The following NBPF3 variants were observed in gnomAD, a reference collection of about 807,000 sequenced individuals.
The protein encoded by NBPF3 is NBPF family member NBPF3.
Under a neutral mutation model 78.1 loss-of-function variants are expected in NBPF3, and 57 were observed. That is an observed-to-expected ratio of 0.73 (90% CI 0.59 to 0.91). NBPF3 has a LOEUF of 0.91. NBPF3 is among the 40% of genes least tolerant of loss of function. NBPF3 has a pLI of 0.00. For missense variants in NBPF3, 510 were observed against 715.3 expected (o/e 0.71, Z 3.27); for synonymous variants, 182 against 271.7 (o/e 0.67, Z 3.25).
At chr1:21,464,228 A>G (rs10916995) in intron 2 of NBPF3, among the ~76,000 whole-genome samples, 7,147 of 152,340 alleles carry the variant, frequency 0.047, 424 homozygotes, top group African/African-American at 0.14. Flanking sequence ...TTTAACCACC[A>G]TCAGTTGATG....
At position 21,470,749 on chromosome 1, in the gene NBPF3, T is replaced by C. The variant is rs781082242; in HGVS notation, c.446+15T>C. 1 of 1,573,900 alleles carries C rather than the reference T, an allele frequency of 6.4e-7. No homozygotes were observed. Among genetic ancestry groups the C allele is most frequent in the Non-Finnish European group, 8.7e-7 (1 of 1,149,556 alleles). ...GAGGAGCTCAGGTGAGTGGGCCCCC[T>C]GGGGTCAGGCAGGTGGGCAGGTGTG... On this transcript the variant is annotated intron_variant, in intron 4 of 14. Transcript: ENST00000318249.
intron 14 of NBPF3, 94 bp from the exon 15 acceptor site, chr1:21,483,049 T>G: frequency 1.4e-6 from 2 of 1,442,456 alleles, no homozygotes; most frequent in South Asian, 1.3e-5. Flanking sequence ...TTTCCTTTTT[T>G]GACCACTTCC....
chr1:21,469,445 G>C (rs1488851172), intron 3 of NBPF3, among the ~76,000 whole-genome samples: 1 of 152,130 alleles, frequency 6.6e-6, no homozygotes, highest in African/African-American at 2.4e-5. Flanking sequence ...AGGGAGTAGG[G>C]GCCGTGCACG....
intron 2 of NBPF3, among the ~76,000 whole-genome samples, chr1:21,465,454 C>A (rs1324701708): frequency 6.6e-6 from 1 of 152,236 alleles, no homozygotes; most frequent in Non-Finnish European, 1.5e-5. Context: ...GGGGGTGGGA[C>A]CCATTGAGCT....
At position 21,456,013 on chromosome 1, in the gene NBPF3, G is replaced by A. The variant is rs1317030326; in HGVS notation, c.133+10794G>A. 2.6e-5 allele frequency among the ~76,000 whole-genome samples: 4 copies of A among 152,132 alleles called. No homozygotes were observed. The East Asian group carries it at 5.8e-4, about 22-fold the overall frequency. On this transcript the variant is annotated intron_variant, in intron 2 of 14. Coordinates refer to ENST00000318249, the MANE Select transcript of NBPF3 (RefSeq NM_032264.6). ...AATAAGTGTCACACTTTTCAATAAG[G>A]CCTATTGTTCACCAACCTGGTAAAG...
upstream of NBPF3, chr1:21,440,081 G>T (rs896518572): frequency 1.3e-5 from 2 of 152,196 alleles, no homozygotes; most frequent in Non-Finnish European, 2.9e-5. Flanking sequence ...CTCCTGACGC[G>T]GCCCATCCGG....
chr1:21,440,096 T>A (rs1026845303), upstream of NBPF3: 7 of 150,762 alleles, frequency 4.6e-5, no homozygotes, highest in Non-Finnish European at 1.0e-4. Context: ...ATCCGGACCC[T>A]GAGGAGCCAG....
In NBPF3 at chr1:21,476,340, G is replaced by A. The variant is rs1642887226; in HGVS notation, c.992+1389G>A. On this transcript the variant is annotated intron_variant, in intron 8 of 14. Coordinates refer to ENST00000318249, the MANE Select transcript of NBPF3 (RefSeq NM_032264.6). This position sits in a 1 kb window ranked among gnomAD's most constrained non-coding sequence, Gnocchi z 4.1. ...ATGATGTGAGCTGGTTATTTTGCCTGTTAGTTGATGCACTTTCTTCCTAGC... is the reference window on the plus strand; with the variant it reads ...ATGATGTGAGCTGGTTATTTTGCCTATTAGTTGATGCACTTTCTTCCTAGC... Among the ~76,000 whole-genome samples the A allele has an allele frequency of 6.6e-6, 1 of 152,162 alleles. No homozygotes were observed. The highest frequency in any genetic ancestry group is 1.5e-5 in the Non-Finnish European group (1 of 68,026).
upstream of NBPF3, among the ~76,000 whole-genome samples, chr1:21,438,578 C>T (rs1177845706): frequency 1.3e-5 from 2 of 152,214 alleles, no homozygotes; most frequent in Non-Finnish European, 2.9e-5. Flanking sequence ...GCTAAGTGCT[C>T]ACTGAATGTT....
intron 2 of NBPF3, among the ~76,000 whole-genome samples, chr1:21,450,595 C>T (rs1232781767): frequency 2.6e-5 from 4 of 152,318 alleles, no homozygotes; most frequent in East Asian, 1.9e-4. Flanking sequence ...CAGTAGGACA[C>T]TCACATTCCC....
At chr1:21,465,408 C>T (rs1192647561) in intron 2 of NBPF3, among the ~76,000 whole-genome samples, 3 of 152,262 alleles carry the variant, frequency 2.0e-5, no homozygotes, top group African/African-American at 4.8e-5. Flanking sequence ...TGTATTTGCA[C>T]TGACTTTCCC....
rs962432752 is a variant in NBPF3, at chr1:21,446,572, TTCCC to T, written c.133+1367_133+1370del. On this transcript the variant is annotated intron_variant, in intron 2 of 14. Coordinates refer to ENST00000318249, the MANE Select transcript of NBPF3 (RefSeq NM_032264.6). Reference sequence around the variant, plus strand: ...CCACCCTCCCTCCCTTTCTTCCTCCTTCCCTCCCTCCCTCCCTTCTTTCCTTTCT... The same window carrying T: ...CCACCCTCCCTCCCTTTCTTCCTCCTTCCCTCCCTCCCTTCTTTCCTTTCT... The T allele has an allele frequency of 7.0e-3, 860 of 123,098 alleles. 9 individuals carry two copies. The highest frequency in any genetic ancestry group is 0.023 in the African/African-American group (768 of 33,306). The allele number at this position is 123,098 out of a possible 1,614,324, so 7.6% of individuals were successfully genotyped here.
intron 1 of NBPF3, among the ~76,000 whole-genome samples, chr1:21,444,566 A>C (rs1640850463): frequency 1.3e-5 from 2 of 151,560 alleles, no homozygotes; most frequent in African/African-American, 2.4e-5. Flanking sequence ...TCAGGACTCT[A>C]TTTTTTTTCC....
At chr1:21,483,087 G>C in intron 14 of NBPF3, 56 bp from the exon 15 acceptor site, 1 of 1,609,652 alleles carries the variant, frequency 6.2e-7, no homozygotes, top group Non-Finnish European at 8.5e-7. Flanking sequence ...TCTAGTTGGG[G>C]CTCTGTGGTG....
intron 2 of NBPF3, chr1:21,454,134 C>G (rs1359464567): frequency 6.6e-6 from 1 of 152,208 alleles, no homozygotes; most frequent in Non-Finnish European, 1.5e-5. Flanking sequence ...CTGCACTAGC[C>G]CATGAGGAGG....
intron 2 of NBPF3, chr1:21,449,888 A>G (rs1419583971): frequency 1.5e-6 from 1 of 661,456 alleles, no homozygotes; most frequent in Non-Finnish European, 1.9e-6. Context: ...AGCCACATAA[A>G]GTTGAGGGCA....
chr1:21,475,087 G>C, intron 8 of NBPF3, 136 bp downstream of exon 8: 1 of 752,724 alleles, frequency 1.3e-6, no homozygotes, highest in Non-Finnish European at 2.2e-6. Context: ...TAACAATGTT[G>C]TACATTATTT....
Position 21,454,005 on chromosome 1 carries a change from G to T in NBPF3, c.133+8786G>T, listed in dbSNP as rs1358060615. 2.6e-5 allele frequency: 4 copies of T among 152,288 alleles called. No homozygotes were observed. The East Asian group carries it at 7.7e-4, about 29-fold the overall frequency. The allele number at this position is 152,288 out of a possible 1,614,324, so 9.4% of individuals were successfully genotyped here. On this transcript the variant is annotated intron_variant, in intron 2 of 14. Transcript: ENST00000318249. Reference sequence around the variant, plus strand: ...TGGCTCTGAAGAATGCTAAACTAAGGGCACCTGTGGTGGCCATGAAAATGC... The same window carrying T: ...TGGCTCTGAAGAATGCTAAACTAAGTGCACCTGTGGTGGCCATGAAAATGC...
chr1:21,441,494 C>A (rs1489710002), intron 1 of NBPF3, among the ~76,000 whole-genome samples: 1 of 151,910 alleles, frequency 6.6e-6, no homozygotes, highest in Non-Finnish European at 1.5e-5. Context: ...ATCACTTGAG[C>A]CCAGGATTTC....
Sources: allele counts gnomAD v4.1 joint callset (sites outside exome capture counted in the v4.1 genomes callset), GRCh38; gene constraint gnomAD v4.1.1; non-coding constraint Gnocchi (gnomAD v3.1); transcripts MANE v1.5; gene names NCBI Gene and HGNC (gene_info 2026-07-23, HGNC 2026-07-21).